The following HNRNPM variants were observed in gnomAD, a reference collection of about 807,000 sequenced individuals.
HNRNPM encodes CEA receptor.
HNRNPM carries 11 observed loss-of-function variants against 73.1 expected under a neutral mutation model. The ratio of observed to expected loss-of-function variants is 0.15; its 90% CI spans 0.09 to 0.25. HNRNPM has a LOEUF of 0.25. Ranked by LOEUF, HNRNPM falls within the 10% of genes least tolerant of loss-of-function variation. The pLI is 1.00. For missense variants in HNRNPM, 789 were observed against 1,067.9 expected, an observed-to-expected ratio of 0.74 and a Z score of 3.64; for synonymous variants, 407 against 355.2, an observed-to-expected ratio of 1.15 and a Z score of -1.64.
At chr19:8,483,854 T>C (rs34356342) in intron 13 of HNRNPM, among the ~76,000 whole-genome samples, 40,341 of 152,102 alleles carry the variant, frequency 0.27, 6,488 homozygotes, top group Non-Finnish European at 0.36. Context: ...CGGCCTCAAC[T>C]TCCCAGGCCT....
At chr19:8,446,344 C>T (rs997672740) in intron 1 of HNRNPM, among the ~76,000 whole-genome samples, 1 of 152,190 alleles carries the variant, frequency 6.6e-6, no homozygotes, top group African/African-American at 2.4e-5. Context: ...ACTTTGCCTT[C>T]CTCATATTGT....
At chr19:8,488,577 T>C in intron 15 of HNRNPM, 114 bp from the exon 16 acceptor site, 1 of 865,158 alleles carries the variant, frequency 1.2e-6, no homozygotes, top group Non-Finnish European at 1.8e-6. Flanking sequence ...GTTCTCGCCA[T>C]TGTATTCTGA....
At chr19:8,481,811 A>T (rs918877867) in intron 12 of HNRNPM, among the ~76,000 whole-genome samples, 1 of 152,164 alleles carries the variant, frequency 6.6e-6, no homozygotes, top group African/African-American at 2.4e-5. Flanking sequence ...GCCGGGCAGG[A>T]TCGCAGGCGT....
At chr19:8,463,908 A>G (rs1409606137) in intron 5 of HNRNPM, 2 of 516,078 alleles carry the variant, frequency 3.9e-6, no homozygotes, top group Non-Finnish European at 7.0e-6. Flanking sequence ...CCACCTTCTA[A>G]TATCTGTGAT....
chr19:8,479,962 A>G (rs1970792949), intron 12 of HNRNPM, among the ~76,000 whole-genome samples: 1 of 148,094 alleles, frequency 6.8e-6, no homozygotes, highest in Non-Finnish European at 1.5e-5. Flanking sequence ...TTTTGTAGAG[A>G]TGGGGTTTCA....
chr19:8,479,509 T>C (rs1970752301), intron 12 of HNRNPM, among the ~76,000 whole-genome samples: 1 of 152,160 alleles, frequency 6.6e-6, no homozygotes, highest in African/African-American at 2.4e-5. Context: ...CCCTGTCATC[T>C]GGGCTGGAGT....
chr19:8,447,971 A>C (rs1968326922), intron 1 of HNRNPM, among the ~76,000 whole-genome samples: 1 of 152,142 alleles, frequency 6.6e-6, no homozygotes, highest in Non-Finnish European at 1.5e-5. Flanking sequence ...GCTTGCAGTG[A>C]GCCGAGATTG....
intron 15 of HNRNPM, chr19:8,487,345 C>T (rs540771272): frequency 6.4e-5 from 27 of 421,542 alleles, no homozygotes; most frequent in South Asian, 5.7e-4. Context: ...ACAGATGAGT[C>T]AGGCAGAGTC....
At position 8,445,081 on chromosome 19, in the gene HNRNPM, C is replaced by T. The variant is rs377061371; in HGVS notation, c.83C>T (p.Pro28Leu). 4.3e-5 allele frequency: 61 copies of T among 1,421,832 alleles called. No individual in the cohort carries two copies. The African/African-American group carries it at 6.9e-4, about 16-fold the overall frequency. 88.1% of individuals were successfully genotyped at this position (1,421,832 alleles called of 1,614,324 possible). ...GAAGAGAGCGGCGCGCCCGGCGTGC[C>T]GAGCGGCAACGGGGCTCCGGGCCCT... Reference protein sequence around the residue: ...MEEESGAPGVPSGNGAPGPKG... With the variant: ...MEEESGAPGVLSGNGAPGPKG... Residue 28 changes from proline to leucine, a missense_variant, in exon 1 of 16, where the codon CCG (proline) becomes CTG (leucine). Physicochemically the swap from Pro to Leu is moderately conservative, Grantham distance 98. This residue lies in a region of HNRNPM where 79 missense variants were observed against 70.7 expected (regional missense o/e 1.12). Transcript: ENST00000325495.
chr19:8,472,467 G>A (rs1055646609), intron 10 of HNRNPM, among the ~76,000 whole-genome samples: 2 of 152,076 alleles, frequency 1.3e-5, no homozygotes, highest in Admixed American at 6.6e-5. Flanking sequence ...CGTTTCCCCC[G>A]ACCCAAAACA....
At chr19:8,488,415 C>T in intron 15 of HNRNPM, 1 of 342,526 alleles carries the variant, frequency 2.9e-6, no homozygotes. Flanking sequence ...GAACTTTCTG[C>T]CTATAAAGCT....
chr19:8,452,006 A>G (rs1968665884), intron 1 of HNRNPM, among the ~76,000 whole-genome samples: 1 of 152,212 alleles, frequency 6.6e-6, no homozygotes, highest in Non-Finnish European at 1.5e-5. Context: ...ATGATTAGCC[A>G]GGGAAGGATT....
chr19:8,488,381 A>G, intron 15 of HNRNPM: 1 of 270,956 alleles, frequency 3.7e-6, no homozygotes, highest in Middle Eastern at 1.2e-3. Context: ...CATATCAAAA[A>G]TGAAGACTTT....
chr19:8,477,131 A>G (rs973795463), intron 12 of HNRNPM, among the ~76,000 whole-genome samples: 2 of 152,130 alleles, frequency 1.3e-5, no homozygotes, highest in African/African-American at 4.8e-5. Flanking sequence ...ATCTTACCTG[A>G]CATTTCTAAG....
At chr19:8,478,090 T>A (rs1467283511) in intron 12 of HNRNPM, among the ~76,000 whole-genome samples, 2 of 152,226 alleles carry the variant, frequency 1.3e-5, no homozygotes, top group Non-Finnish European at 2.9e-5. Flanking sequence ...TTGATTTAGC[T>A]GCACTGCAGG....
At chr19:8,447,027 A>G (rs534747064) in intron 1 of HNRNPM, among the ~76,000 whole-genome samples, 1 of 152,208 alleles carries the variant, frequency 6.6e-6, no homozygotes, top group Non-Finnish European at 1.5e-5. Context: ...GCTAGATGAT[A>G]GGGTAAATTA....
intron 12 of HNRNPM, among the ~76,000 whole-genome samples, chr19:8,482,001 G>T (rs548509477): frequency 2.9e-5 from 4 of 136,456 alleles, no homozygotes; most frequent in Admixed American, 2.4e-4. Flanking sequence ...TAGAGACAGA[G>T]TCTCACTCTT....
chr19:8,475,547 C>T (rs906176880), intron 12 of HNRNPM, among the ~76,000 whole-genome samples: 1 of 152,156 alleles, frequency 6.6e-6, no homozygotes, highest in African/African-American at 2.4e-5. Context: ...TGATCAGGCC[C>T]TTCTTCCGGT....
At chr19:8,461,377 G>A (rs955885868) in intron 2 of HNRNPM, among the ~76,000 whole-genome samples, 8 of 152,160 alleles carry the variant, frequency 5.3e-5, no homozygotes, top group East Asian at 1.9e-4. Context: ...TGTTGAGGCC[G>A]TTAAGCGGGT....
Sources: gnomAD v4.1 joint callset for allele counts (sites outside exome capture counted in the v4.1 genomes callset) on GRCh38, gnomAD v4.1.1 for gene constraint, gnomAD v4.1.1 regional missense constraint, MANE v1.5 for transcripts, NCBI Gene and HGNC (gene_info 2026-07-23, HGNC 2026-07-21) for gene names.